SOBP: variants seen among roughly 807,000 people sequenced by gnomAD.
The protein encoded by SOBP is sine oculis-binding protein homolog.
Under a neutral mutation model 53.6 loss-of-function variants are expected in SOBP, and 4 were observed. That is an observed-to-expected ratio of 0.07 (90% CI 0.04 to 0.17). The LOEUF (loss-of-function observed/expected upper bound fraction) is 0.17. SOBP is among the 10% of genes least tolerant of loss of function. The probability of loss-of-function intolerance (pLI) is 1.00; values close to 1 mark genes in which losing one functional copy is unlikely to be tolerated. For synonymous variants in SOBP, 584 were observed against 522.6 expected (o/e 1.12, Z -1.60); for missense variants, 1,088 against 1,204.7 (o/e 0.90, Z 1.43).
intron 5 of SOBP, among the ~76,000 whole-genome samples, chr6:107,596,884 C>A (rs1463789281): frequency 1.3e-5 from 2 of 152,170 alleles, no homozygotes; most frequent in African/African-American, 4.8e-5. Flanking sequence ...ACAGAAGAGA[C>A]AAAGTATATG....
intron 6 of SOBP, among the ~76,000 whole-genome samples, chr6:107,638,898 AT>A (rs1189042745): frequency 1.9e-5 from 2 of 105,226 alleles, no homozygotes; most frequent in Non-Finnish European, 3.8e-5. Flanking sequence ...TATTATTTTT[AT>A]TTTATTTTAT....
At chr6:107,510,279 G>A (rs1480453881) in intron 3 of SOBP, among the ~76,000 whole-genome samples, 1 of 152,160 alleles carries the variant, frequency 6.6e-6, no homozygotes, top group Non-Finnish European at 1.5e-5. Flanking sequence ...TTTGCTGCTT[G>A]TGCTAAGGTA....
At position 107,492,513 on chromosome 6, in the gene SOBP, C is replaced by T. The variant is rs377672796; in HGVS notation, c.96+1801C>T. Reference sequence around the variant, plus strand: ...ATATAAAGGCTGACTGTGCTCGATGCTTGGGGCTCGCGTTGTTGATTTTGG... The same window carrying T: ...ATATAAAGGCTGACTGTGCTCGATGTTTGGGGCTCGCGTTGTTGATTTTGG... On this transcript the variant is annotated intron_variant, in intron 1 of 6. Coordinates refer to ENST00000317357, the MANE Select transcript of SOBP (RefSeq NM_018013.4). Among the ~76,000 whole-genome samples, 29 of 152,264 alleles carry T rather than the reference C, an allele frequency of 1.9e-4. No homozygotes were observed. In the East Asian group the frequency reaches 5.2e-3, roughly 27 times the overall value.
chr6:107,611,636 A>T (rs936664189), intron 5 of SOBP, among the ~76,000 whole-genome samples: 1 of 152,154 alleles, frequency 6.6e-6, no homozygotes, highest in Non-Finnish European at 1.5e-5. Flanking sequence ...TGTTGTTGCC[A>T]TGACTATTTA....
chr6:107,503,585 A>T (rs1583147896), intron 1 of SOBP, 72 bp from the exon 2 acceptor site: 1 of 1,543,480 alleles, frequency 6.5e-7, no homozygotes, highest in East Asian at 2.2e-5. Flanking sequence ...GACAAGCAGA[A>T]TTCAATTTAT....
At chr6:107,528,197 G>A (rs78656299) in intron 3 of SOBP, among the ~76,000 whole-genome samples, 2,242 of 152,294 alleles carry the variant, frequency 0.015, 56 homozygotes, top group African/African-American at 0.052. Flanking sequence ...GGGAATTGGT[G>A]TTTTAATGGT....
chr6:107,506,810 C>A (rs1262652447), intron 3 of SOBP, among the ~76,000 whole-genome samples: 1 of 151,912 alleles, frequency 6.6e-6, no homozygotes, highest in Non-Finnish European at 1.5e-5. Context: ...AATCCCTGCA[C>A]TTTGGGAGGC....
At position 107,635,109 on chromosome 6, in the gene SOBP, G is replaced by A. The variant is rs762831029; in HGVS notation, c.2265G>A (p.Lys755=). ...CGCCGCCGCCGCCCGCGCCCCCCAA[G>A]AAGCTGCTGTCGCCTGAGGAACCGG... ...PPPPPPPAPP[K]KLLSPEEPAV... Residue 755 remains lysine (K), a synonymous_variant, in exon 6 of 7, where the codon AAG becomes AAA. Coordinates refer to ENST00000317357, the MANE Select transcript of SOBP (RefSeq NM_018013.4). This position sits in a 1 kb window ranked among gnomAD's most constrained non-coding sequence, Gnocchi z 4.5. The A allele has an allele frequency of 8.7e-6, 14 of 1,609,676 alleles. No individual in the cohort carries two copies. Among genetic ancestry groups the A allele is most frequent in the African/African-American group, 4.0e-5 (3 of 74,754 alleles).
At chr6:107,623,921 C>T (rs1024002309) in intron 5 of SOBP, among the ~76,000 whole-genome samples, 10 of 152,094 alleles carry the variant, frequency 6.6e-5, no homozygotes, top group Non-Finnish European at 1.2e-4. Context: ...AGGGAAACCA[C>T]GTCAATTCTT....
At chr6:107,625,714 GA>G (rs1562109181) in intron 5 of SOBP, among the ~76,000 whole-genome samples, 1 of 152,168 alleles carries the variant, frequency 6.6e-6, no homozygotes, top group Admixed American at 6.5e-5. Flanking sequence ...GGGTTGGGGG[GA>G]CTGCTCCAGA....
intron 4 of SOBP, among the ~76,000 whole-genome samples, chr6:107,571,632 CG>C (rs1785076066): frequency 6.6e-6 from 1 of 152,134 alleles, no homozygotes; most frequent in Admixed American, 6.5e-5. Flanking sequence ...AGCCATATGA[CG>C]GGGAAGAGAG....
chr6:107,503,421 TTTGTC>T (rs1343658860), intron 1 of SOBP, among the ~76,000 whole-genome samples: 1 of 152,202 alleles, frequency 6.6e-6, no homozygotes, highest in Non-Finnish European at 1.5e-5. Context: ...GTTAGTCTTT[TTTGTC>T]TTATTATCTT....
At chr6:107,500,387 A>AG (rs1782806210) in intron 1 of SOBP, among the ~76,000 whole-genome samples, 1 of 152,086 alleles carries the variant, frequency 6.6e-6, no homozygotes, top group African/African-American at 2.4e-5. Flanking sequence ...CTAAAAAAAA[A>AG]AAAAAAAGGA....
At chr6:107,598,161 G>A (rs1786016522) in intron 5 of SOBP, among the ~76,000 whole-genome samples, 2 of 151,020 alleles carry the variant, frequency 1.3e-5, no homozygotes, top group Admixed American at 1.3e-4. Flanking sequence ...ATTTGGGCTA[G>A]ACAAAGAGAA....
At chr6:107,624,259 C>G (rs1406983604) in intron 5 of SOBP, among the ~76,000 whole-genome samples, 1 of 152,182 alleles carries the variant, frequency 6.6e-6, no homozygotes, top group Admixed American at 6.5e-5. Flanking sequence ...CAGGCTACTG[C>G]ATTCCATTCT....
chr6:107,530,313 G>GT (rs1320992029), intron 3 of SOBP, among the ~76,000 whole-genome samples: 1 of 152,060 alleles, frequency 6.6e-6, no homozygotes, highest in East Asian at 1.9e-4. Flanking sequence ...CATGTTTATT[G>GT]TAAAGCATGC....
chr6:107,620,225 A>C (rs1193338738), intron 5 of SOBP, among the ~76,000 whole-genome samples: 1 of 152,144 alleles, frequency 6.6e-6, no homozygotes. Context: ...AAAGATTTGC[A>C]GTTCCCTGCA....
intron 3 of SOBP, among the ~76,000 whole-genome samples, chr6:107,517,260 C>G (rs1783348774): frequency 6.6e-6 from 1 of 152,162 alleles, no homozygotes; most frequent in Non-Finnish European, 1.5e-5. Context: ...CATAAAATAC[C>G]ATAGACTGGG....
chr6:107,610,520 G>C (rs891514085), intron 5 of SOBP, among the ~76,000 whole-genome samples: 5 of 152,196 alleles, frequency 3.3e-5, no homozygotes, highest in Non-Finnish European at 5.9e-5. Context: ...GTGCCACATG[G>C]CTACCATGCA....
Sources: allele counts gnomAD v4.1 joint callset (sites outside exome capture counted in the v4.1 genomes callset), GRCh38; gene constraint gnomAD v4.1.1; non-coding constraint Gnocchi (gnomAD v3.1); transcripts MANE v1.5; gene names NCBI Gene and HGNC (gene_info 2026-07-23, HGNC 2026-07-21).